The following ULK4 variants were observed in gnomAD, a reference collection of about 807,000 sequenced individuals.
The protein encoded by ULK4 is unc-51 like kinase 4.
In ULK4, 133 loss-of-function variants were observed where a neutral mutation model predicts 160.6. That is an observed-to-expected ratio of 0.83 (90% CI 0.72 to 0.96). The LOEUF (loss-of-function observed/expected upper bound fraction) is 0.96, where lower values mean the gene tolerates loss of function less well. ULK4 is among the 40% of genes least tolerant of loss of function. The pLI, the probability that ULK4 is intolerant of heterozygous loss-of-function variation, is 0.00. For synonymous variants in ULK4, 534 were observed against 539.8 expected, an observed-to-expected ratio of 0.99 and a Z score of 0.15; for missense variants, 1,580 against 1,499.5, an observed-to-expected ratio of 1.05 and a Z score of -0.89.
intron 5 of ULK4, among the ~76,000 whole-genome samples, chr3:41,921,919 C>T (rs977273873): frequency 9.9e-5 from 15 of 151,944 alleles, no homozygotes; most frequent in African/African-American, 2.9e-4. Context: ...TCTGGGAGGC[C>T]GAGGCAGGCG....
At chr3:41,462,957 AC>A (rs1233717536) in intron 33 of ULK4, 129 bp downstream of exon 33, 2 of 1,117,508 alleles carry the variant, frequency 1.8e-6, no homozygotes, top group Non-Finnish European at 2.4e-6. Context: ...TTCAGAAGAC[AC>A]TCTCTATAGA....
intron 34 of ULK4, among the ~76,000 whole-genome samples, chr3:41,440,610 GTTTTC>G (rs1219973955): frequency 8.6e-5 from 13 of 152,040 alleles, no homozygotes; most frequent in Non-Finnish European, 1.8e-4. Context: ...GATATTGGTA[GTTTTC>G]TTTTCTTGTA....
intron 30 of ULK4, among the ~76,000 whole-genome samples, chr3:41,647,169 G>A (rs186079371): frequency 1.3e-3 from 199 of 151,912 alleles, no homozygotes; most frequent in African/African-American, 3.8e-3. Context: ...TAGTTTGATC[G>A]TCTGAAGCCT....
chr3:41,461,481 A>G (rs1247505550), intron 33 of ULK4, among the ~76,000 whole-genome samples: 1 of 152,210 alleles, frequency 6.6e-6, no homozygotes, highest in Non-Finnish European at 1.5e-5. Context: ...ACCAGGTGTC[A>G]TGGAGATCAA....
intron 20 of ULK4, among the ~76,000 whole-genome samples, chr3:41,792,618 C>T (rs1003298250): frequency 1.3e-5 from 2 of 152,014 alleles, no homozygotes; most frequent in East Asian, 1.9e-4. Context: ...AAAAGATTTT[C>T]CCAGACTACT....
rs540129783 is a variant in ULK4 at position 41,324,642 on chromosome 3, G to A, written c.3678+73437C>T. On this transcript the variant is annotated intron_variant, in intron 35 of 36. Transcript: ENST00000301831. ...CAGAAGGCAGGTGGAAGTGGCCATG[G>A]GCTGTGAAGGACAGAGGGGGTTTGA... Among the ~76,000 whole-genome samples, 56 of 152,276 alleles carry A rather than the reference G, an allele frequency of 3.7e-4. 1 individual carries two copies. The South Asian group carries it at 5.6e-3, about 15-fold the overall frequency.
At chr3:41,888,310 C>A (rs1194300180) in intron 16 of ULK4, among the ~76,000 whole-genome samples, 1 of 152,086 alleles carries the variant, frequency 6.6e-6, no homozygotes, top group Non-Finnish European at 1.5e-5. Context: ...AATACAAGTT[C>A]TTTTTATTAA....
At chr3:41,821,473 A>G (rs2041142764) in intron 18 of ULK4, among the ~76,000 whole-genome samples, 1 of 152,100 alleles carries the variant, frequency 6.6e-6, no homozygotes, top group South Asian at 2.1e-4. Flanking sequence ...GGAAAGACAA[A>G]CTTTCCTCCA....
At chr3:41,560,683 G>A (rs954883280) in intron 32 of ULK4, among the ~76,000 whole-genome samples, 1 of 152,206 alleles carries the variant, frequency 6.6e-6, no homozygotes, top group East Asian at 1.9e-4. Context: ...TTGGTGTATA[G>A]GAATGCTTGT....
Position 41,681,572 on chromosome 3 carries a change from C to T in ULK4, c.2914G>A (p.Glu972Lys), listed in dbSNP as rs757233273. The change falls in exon 29 of 37, where the codon GAG (glutamate) becomes AAG (lysine). Residue 972 changes from glutamate to lysine, a missense_variant. Glu to Lys is a moderately conservative substitution (Grantham distance 56). Transcript: ENST00000301831. ...CTGTCAGAATCAACACTGGCCTTCT[C>T]CTTGCCATCCCCAAACTCCTGGTTC... ...LVNQEFGDGK[E>K]KASVDSDSNL... 6.2e-7 allele frequency: 1 copy of T among 1,613,858 alleles called. No individual in the cohort carries two copies. Among genetic ancestry groups the T allele is most frequent in the Non-Finnish European group, 8.5e-7 (1 of 1,179,990 alleles).
chr3:41,856,588 CACATATATATATATGTGTATATAT>C (rs2042363960), intron 17 of ULK4, among the ~76,000 whole-genome samples: 2 of 71,904 alleles, frequency 2.8e-5, no homozygotes, highest in Non-Finnish European at 6.2e-5. Context: ...TATATATATA[CACATATATATATATGTGTATATAT>C]ATACACATAT....
chr3:41,775,501 C>G (rs1333611746), intron 21 of ULK4, among the ~76,000 whole-genome samples: 1 of 149,362 alleles, frequency 6.7e-6, no homozygotes, highest in Non-Finnish European at 1.5e-5. Context: ...CAGTTTCAAG[C>G]GATTCTCCTG....
At position 41,859,652 on chromosome 3, in the gene ULK4, T is replaced by TTTTTGTTTG. The variant is rs140063077; in HGVS notation, c.1657-23690_1657-23682dup. On this transcript the variant is annotated intron_variant, in intron 17 of 36. Transcript: ENST00000301831. ...CCGCTTCATTTCCCAAATTCCTTCT[T>TTTTTGTTTG]TTTTGTTTGTTTTGTTTGTTTTTTA... is the stretch of plus-strand genomic sequence containing the variant. 77 of 426,868 alleles carry TTTTTGTTTG rather than the reference T, an allele frequency of 1.8e-4. 1 individual carries two copies. Among genetic ancestry groups the TTTTTGTTTG allele is most frequent in the African/African-American group, 1.5e-3 (71 of 48,458 alleles). 26.4% of individuals were successfully genotyped at this position (426,868 alleles called of 1,614,324 possible).
chr3:41,769,220 A>G (rs1014491269), intron 21 of ULK4, among the ~76,000 whole-genome samples: 1 of 152,238 alleles, frequency 6.6e-6, no homozygotes, highest in Non-Finnish European at 1.5e-5. Context: ...TCATTTAGTC[A>G]TTTCAGAAAA....
At chr3:41,557,498 A>G (rs2087342945) in intron 32 of ULK4, among the ~76,000 whole-genome samples, 1 of 151,914 alleles carries the variant, frequency 6.6e-6, no homozygotes, top group Non-Finnish European at 1.5e-5. Flanking sequence ...ATGGTGGCTC[A>G]CACCTGTAAT....
At chr3:41,255,186 T>C (rs2078811492) in intron 35 of ULK4, among the ~76,000 whole-genome samples, 1 of 148,642 alleles carries the variant, frequency 6.7e-6, no homozygotes, top group Non-Finnish European at 1.5e-5. Context: ...ATATTTTAAA[T>C]ATAAGGGCAC....
At chr3:41,736,468 G>C (rs1164983746) in intron 22 of ULK4, among the ~76,000 whole-genome samples, 29 of 151,810 alleles carry the variant, frequency 1.9e-4, no homozygotes, top group South Asian at 8.3e-4. Flanking sequence ...TTTCATGTGT[G>C]TTTTGGCTGC....
intron 32 of ULK4, among the ~76,000 whole-genome samples, chr3:41,492,741 A>G (rs1235910913): frequency 4.3e-4 from 65 of 151,710 alleles, no homozygotes; most frequent in African/African-American, 1.4e-3. Context: ...AGATCTACCA[A>G]ACAAATGGAA....
chr3:41,611,132 G>A (rs564021306), intron 31 of ULK4, among the ~76,000 whole-genome samples: 12 of 152,280 alleles, frequency 7.9e-5, no homozygotes, highest in Admixed American at 4.6e-4. Context: ...TCAGGAACCC[G>A]CATTTATTAA....
Sources: gnomAD v4.1 joint callset for allele counts (sites outside exome capture counted in the v4.1 genomes callset) on GRCh38, gnomAD v4.1.1 for gene constraint, MANE v1.5 for transcripts, NCBI Gene and HGNC (gene_info 2026-07-23, HGNC 2026-07-21) for gene names.